Variants in TMEM177 observed in about 807,000 individuals in gnomAD.
TMEM177 encodes transmembrane protein 177.
TMEM177 carries 4 observed loss-of-function variants against 14.2 expected under a neutral mutation model. The ratio of observed to expected loss-of-function variants is 0.28; its 90% CI spans 0.14 to 0.64. The LOEUF is 0.64. Among genes scored for constraint, TMEM177 ranks in the 30% least tolerant of loss-of-function variants. The pLI is 0.82. For missense variants in TMEM177, 344 were observed against 405.2 expected (o/e 0.85, Z 1.30); for synonymous variants, 179 against 174.5 (o/e 1.03, Z -0.20).
the TMEM177 span, among the ~76,000 whole-genome samples, chr2:119,706,023 A>T: frequency 1.7e-3 from 41 of 23,992 alleles, no homozygotes; most frequent in East Asian, 0.034. Context: ...ATATATATTT[A>T]TATATATATA....
the TMEM177 span, among the ~76,000 whole-genome samples, chr2:119,706,033 A>AT: frequency 2.0e-5 from 1 of 49,262 alleles, no homozygotes; most frequent in African/African-American, 6.5e-5. Context: ...ATATATATAT[A>AT]TATTTTTTTG....
chr2:119,704,496 G>C, the TMEM177 span, among the ~76,000 whole-genome samples: 2 of 152,156 alleles, frequency 1.3e-5, no homozygotes, highest in African/African-American at 4.8e-5. Context: ...TACTTGGGAG[G>C]CTGAGGCAGG....
the TMEM177 span, among the ~76,000 whole-genome samples, chr2:119,717,991 G>A: frequency 1.3e-5 from 2 of 152,086 alleles, no homozygotes; most frequent in Non-Finnish European, 1.5e-5. Context: ...CCTGCTTCCC[G>A]GTCCCTTCTC....
chr2:119,709,540 G>A, the TMEM177 span, among the ~76,000 whole-genome samples: 2 of 152,160 alleles, frequency 1.3e-5, no homozygotes, highest in Non-Finnish European at 2.9e-5. Flanking sequence ...AAAAATATTA[G>A]GCTGGGCACA....
chr2:119,722,281 G>A, the TMEM177 span, among the ~76,000 whole-genome samples: 1 of 151,988 alleles, frequency 6.6e-6, no homozygotes, highest in Non-Finnish European at 1.5e-5. Flanking sequence ...CCTAGGAGGG[G>A]ATACGTGGAC....
At chr2:119,711,976 C>T in the TMEM177 span, among the ~76,000 whole-genome samples, 33 of 152,158 alleles carry the variant, frequency 2.2e-4, no homozygotes, top group South Asian at 1.5e-3. Context: ...CTGGCAGCTC[C>T]GGCAGCAGAA....
Position 119,680,825 on chromosome 2 carries a change from G to T in TMEM177, c.-22-7G>T, listed in dbSNP as rs761042190. On this transcript the variant is annotated splice_region_variant and splice_polypyrimidine_tract_variant and intron_variant, in intron 1 of 1. Transcript: ENST00000272521. ...AAACTGGCTGACTTCTCTTTTTCTT[G>T]GCCCAGATTGTCCGCAGTGACTACA... 1.8e-5 allele frequency: 29 copies of T among 1,590,942 alleles called. No homozygotes were observed. Among genetic ancestry groups the T allele is most frequent in the Non-Finnish European group, 2.5e-5 (29 of 1,165,586 alleles).
chr2:119,695,884 CTG>C, the TMEM177 span, among the ~76,000 whole-genome samples: 2 of 152,212 alleles, frequency 1.3e-5, no homozygotes, highest in African/African-American at 4.8e-5. Flanking sequence ...CCCCATCCAG[CTG>C]TGTGGCCTTG....
chr2:119,683,164 A>G (rs113198529), downstream of TMEM177, among the ~76,000 whole-genome samples: 1 of 152,144 alleles, frequency 6.6e-6, no homozygotes, highest in African/African-American at 2.4e-5. Context: ...GGAATGGCAC[A>G]CCTCCCTGCT....
At chr2:119,695,153 C>G in the TMEM177 span, among the ~76,000 whole-genome samples, 1 of 152,200 alleles carries the variant, frequency 6.6e-6, no homozygotes, top group African/African-American at 2.4e-5. Flanking sequence ...AAGAGTCTCT[C>G]TGTGTCCTTT....
At chr2:119,685,067 CCTCGCCT>C (rs1421944021), downstream of TMEM177, among the ~76,000 whole-genome samples, 1 of 152,112 alleles carries the variant, frequency 6.6e-6, no homozygotes, top group Non-Finnish European at 1.5e-5. Context: ...CTGGCTTAGG[CCTCGCCT>C]CTCCCCATCC....
chr2:119,714,277 G>A, the TMEM177 span, among the ~76,000 whole-genome samples: 2 of 152,216 alleles, frequency 1.3e-5, no homozygotes, highest in African/African-American at 4.8e-5. Flanking sequence ...TGGCCGATCT[G>A]CTGTAGGATG....
the TMEM177 span, among the ~76,000 whole-genome samples, chr2:119,698,323 G>A: frequency 6.6e-6 from 1 of 152,196 alleles, no homozygotes; most frequent in Non-Finnish European, 1.5e-5. Flanking sequence ...ACAGTTGGGG[G>A]AAGAAACAAG....
the TMEM177 span, among the ~76,000 whole-genome samples, chr2:119,720,196 A>C: frequency 6.6e-6 from 1 of 152,182 alleles, no homozygotes; most frequent in African/African-American, 2.4e-5. Flanking sequence ...TGCCATGCTG[A>C]GTGATACTGA....
the TMEM177 span, among the ~76,000 whole-genome samples, chr2:119,696,471 T>C: frequency 0.026 from 3,981 of 152,316 alleles, 53 homozygotes; most frequent in Non-Finnish European, 0.032. Context: ...ACATCTGATA[T>C]GTGCCAGGCT....
At position 119,681,817 on chromosome 2, in the gene TMEM177, T is replaced by A; in HGVS notation, c.*28T>A. 2 of 1,590,982 alleles carry A rather than the reference T, an allele frequency of 1.3e-6. No individual in the cohort carries two copies. Among genetic ancestry groups the A allele is most frequent in the Non-Finnish European group, 1.7e-6 (2 of 1,165,230 alleles). ...GGCTCATCACAAGGACACTTCCAGC[T>A]TGTGCAGACACCACCCTGCCATTGA... On this transcript the variant is annotated 3_prime_UTR_variant, in exon 2 of 2. Coordinates refer to ENST00000272521, the MANE Select transcript of TMEM177 (RefSeq NM_030577.3).
chr2:119,717,963 T>G, the TMEM177 span, among the ~76,000 whole-genome samples: 1 of 152,108 alleles, frequency 6.6e-6, no homozygotes, highest in Non-Finnish European at 1.5e-5. Context: ...ACGTATTAGC[T>G]GATACCTCTT....
the TMEM177 span, among the ~76,000 whole-genome samples, chr2:119,722,285 C>G: frequency 6.6e-6 from 1 of 151,220 alleles, no homozygotes; most frequent in East Asian, 1.9e-4. Context: ...GGAGGGGATA[C>G]GTGGACATAT....
chr2:119,722,997 C>T, the TMEM177 span, among the ~76,000 whole-genome samples: 2 of 152,218 alleles, frequency 1.3e-5, no homozygotes, highest in Non-Finnish European at 2.9e-5. Context: ...CTAGACTACA[C>T]ATCTATGCTC....
Sources: allele counts gnomAD v4.1 joint callset (sites outside exome capture counted in the v4.1 genomes callset), GRCh38; gene constraint gnomAD v4.1.1; transcripts MANE v1.5; gene names NCBI Gene and HGNC (gene_info 2026-07-23, HGNC 2026-07-21).